The following PCDH11X variants were observed in gnomAD, a reference collection of about 807,000 sequenced individuals.
The protein encoded by PCDH11X is protocadherin 11 X-linked.
Under a neutral mutation model 53.3 loss-of-function variants are expected in PCDH11X, and 18 were observed. The ratio of observed to expected loss-of-function variants is 0.34; its 90% confidence interval spans 0.23 to 0.50. PCDH11X has a LOEUF of 0.50. Among genes scored for constraint, PCDH11X ranks in the 20% least tolerant of loss-of-function variants. The probability of loss-of-function intolerance (pLI) is 0.98; values close to 1 mark genes in which losing one functional copy is unlikely to be tolerated. For synonymous variants in PCDH11X, 279 were observed against 393.3 expected (o/e 0.71, Z 3.44); for missense variants, 570 against 1,032.4 (o/e 0.55, Z 6.14).
chrX:92,178,967 T>C (rs916404380), intron 6 of PCDH11X, among the ~76,000 whole-genome samples: 1 of 111,915 alleles, frequency 8.9e-6, no homozygotes, highest in Admixed American at 9.5e-5. Flanking sequence ...CAGTGAGAAG[T>C]TTTCAAATAA....
intron 10 of PCDH11X, among the ~76,000 whole-genome samples, chrX:92,474,108 A>G (rs1771330783): frequency 9.0e-6 from 1 of 111,059 alleles, no homozygotes; most frequent in African/African-American, 3.3e-5. Context: ...GCTCAATAAT[A>G]TTTGCTATAT....
At chrX:92,173,750 G>A (rs2065859393) in intron 6 of PCDH11X, among the ~76,000 whole-genome samples, 1 of 108,802 alleles carries the variant, frequency 9.2e-6, no homozygotes, top group Non-Finnish European at 1.9e-5. Context: ...AGCATTTTGG[G>A]AGGCAGGAAT....
intron 4 of PCDH11X, among the ~76,000 whole-genome samples, chrX:91,821,482 G>A (rs1936679475): frequency 9.0e-6 from 1 of 110,824 alleles, no homozygotes; most frequent in African/African-American, 3.3e-5. Context: ...TTTGTCTGTT[G>A]TTGGTGTATA....
At chrX:92,517,018 C>T (rs2145187) in intron 10 of PCDH11X, among the ~76,000 whole-genome samples, 8 of 112,020 alleles carry the variant, frequency 7.1e-5, no homozygotes, top group Non-Finnish European at 1.5e-4. Flanking sequence ...ATTGTGAGAA[C>T]GTAAGCCTGG....
chrX:92,377,432 G>C (rs907991099), intron 8 of PCDH11X, among the ~76,000 whole-genome samples: 1 of 110,913 alleles, frequency 9.0e-6, no homozygotes, highest in Non-Finnish European at 1.9e-5. Context: ...GATCCAACTT[G>C]TCTTCATTGT....
At chrX:92,516,821 A>T (rs112231421) in intron 10 of PCDH11X, among the ~76,000 whole-genome samples, 32,052 of 111,355 alleles carry the variant, frequency 0.29, 3,872 homozygotes, top group Non-Finnish European at 0.37. Flanking sequence ...ACAACCATCT[A>T]GATATGAAGG....
chrX:92,484,450 C>T (rs1189728810), intron 10 of PCDH11X, among the ~76,000 whole-genome samples: 1 of 104,673 alleles, frequency 9.6e-6, no homozygotes, highest in East Asian at 3.0e-4. Flanking sequence ...CACATCCATG[C>T]CAACATCTAT....
intron 10 of PCDH11X, among the ~76,000 whole-genome samples, chrX:92,571,592 A>G (rs987759198): frequency 9.3e-6 from 1 of 107,452 alleles, no homozygotes; most frequent in Admixed American, 1.0e-4. Context: ...TGGCATAATA[A>G]ATATTGCAGG....
At chrX:92,476,092 G>A (rs1012332232) in intron 10 of PCDH11X, among the ~76,000 whole-genome samples, 1 of 111,233 alleles carries the variant, frequency 9.0e-6, no homozygotes, top group African/African-American at 3.3e-5. Flanking sequence ...TTCCCATGCT[G>A]TTCTCATGAT....
intron 7 of PCDH11X, among the ~76,000 whole-genome samples, chrX:92,229,827 C>T (rs1238495267): frequency 9.0e-6 from 1 of 110,908 alleles, no homozygotes; most frequent in Non-Finnish European, 1.9e-5. Context: ...TACCAAGCAG[C>T]CTAGTTCCTG....
At chrX:91,944,334 A>C (rs1251275211) in intron 6 of PCDH11X, among the ~76,000 whole-genome samples, 5 of 108,200 alleles carry the variant, frequency 4.6e-5, no homozygotes, top group Non-Finnish European at 9.6e-5. Flanking sequence ...AAAAAAAAAA[A>C]AACTACGTCA....
rs1330115055 is a variant in PCDH11X, at chrX:92,602,826, G to A, written c.3368-15438G>A. ...ATTGATGCAATATATAATCTAAAATGTCTAGTTTTTGATAAAATTATGAGG... is the reference window on the plus strand; with the variant it reads ...ATTGATGCAATATATAATCTAAAATATCTAGTTTTTGATAAAATTATGAGG... On this transcript the variant is annotated intron_variant, in intron 10 of 10. Coordinates refer to ENST00000682573, the MANE Select transcript of PCDH11X (RefSeq NM_032968.5). 3.2e-3 allele frequency among the ~76,000 whole-genome samples: 274 copies of A among 86,459 alleles called. 3 individuals are homozygous for A. The highest frequency in any genetic ancestry group is 4.0e-3 in the Non-Finnish European group (188 of 47,485). The allele number at this position is 86,459 out of a possible 115,157, so 75.1% of individuals were successfully genotyped here. A position where few individuals can be genotyped will look rare whatever the true frequency, so the allele number is the denominator to read the frequency against.
At chrX:92,527,784 A>G (rs1226484355) in intron 10 of PCDH11X, among the ~76,000 whole-genome samples, 12 of 112,261 alleles carry the variant, frequency 1.1e-4, no homozygotes, top group Non-Finnish European at 1.9e-4. Flanking sequence ...ACATTTACTC[A>G]TGTTTTCAAG....
chrX:92,213,685 G>A (rs759191024), intron 7 of PCDH11X, among the ~76,000 whole-genome samples: 2 of 111,580 alleles, frequency 1.8e-5, no homozygotes, highest in Non-Finnish European at 3.8e-5. Context: ...AGCTCCCACA[G>A]CAGATGAATA....
At chrX:91,901,962 C>A (rs978503305) in intron 6 of PCDH11X, among the ~76,000 whole-genome samples, 1 of 110,718 alleles carries the variant, frequency 9.0e-6, no homozygotes, top group Non-Finnish European at 1.9e-5. Flanking sequence ...GTCCCTAATG[C>A]AGGATTTGGA....
chrX:92,105,110 C>T (rs1251444901), intron 6 of PCDH11X, among the ~76,000 whole-genome samples: 4 of 111,582 alleles, frequency 3.6e-5, no homozygotes, highest in African/African-American at 9.8e-5. Flanking sequence ...CTTCCCAGTC[C>T]GTGACCGGCA....
At chrX:92,099,132 CTT>C (rs1361442830) in intron 6 of PCDH11X, among the ~76,000 whole-genome samples, 4 of 110,445 alleles carry the variant, frequency 3.6e-5, no homozygotes, top group Non-Finnish European at 7.5e-5. Flanking sequence ...TTGATCTTGA[CTT>C]TTTTTGTAAC....
chrX:92,322,651 G>A (rs2069241968), intron 8 of PCDH11X, among the ~76,000 whole-genome samples: 1 of 111,400 alleles, frequency 9.0e-6, no homozygotes, highest in East Asian at 2.8e-4. Flanking sequence ...GTTACAAGAA[G>A]TGTTTCCAAG....
intron 6 of PCDH11X, among the ~76,000 whole-genome samples, chrX:92,148,069 T>TCCCTCC (rs1569389092): frequency 3.5e-4 from 3 of 8,545 alleles, no homozygotes; most frequent in African/African-American, 1.1e-3. Flanking sequence ...TTTCTTTCTT[T>TCCCTCC]CTTTCTTTCT....
Sources: gnomAD v4.1 joint callset for allele counts (sites outside exome capture counted in the v4.1 genomes callset) on GRCh38, gnomAD v4.1.1 for gene constraint, MANE v1.5 for transcripts, NCBI Gene and HGNC (gene_info 2026-07-23, HGNC 2026-07-21) for gene names.